Variants in ELMO1 observed in about 807,000 individuals in gnomAD.
ELMO1 encodes engulfment and cell motility protein 1.
ELMO1 carries 26 observed loss-of-function variants against 98.9 expected under a neutral mutation model. That is an observed-to-expected ratio of 0.26 (90% CI 0.19 to 0.36). The LOEUF is 0.36. ELMO1 is among the 10% of genes least tolerant of loss of function. The pLI is 1.00. For missense variants in ELMO1, 627 were observed against 935.2 expected (o/e 0.67, Z 4.30); for synonymous variants, 346 against 346.0 (o/e 1.00, Z 0.00).
chr7:36,866,823 T>G (rs918232004), intron 20 of ELMO1, among the ~76,000 whole-genome samples: 1 of 152,134 alleles, frequency 6.6e-6, no homozygotes, highest in African/African-American at 2.4e-5. Flanking sequence ...ATTCTCCTTT[T>G]AGGCTGCAGG....
intron 16 of ELMO1, among the ~76,000 whole-genome samples, chr7:36,940,208 T>C (rs1786911868): frequency 6.6e-6 from 1 of 152,246 alleles, no homozygotes; most frequent in Admixed American, 6.5e-5. Flanking sequence ...AATTGGCAAT[T>C]AACCCAAGCT....
At chr7:37,057,798 G>A (rs1030613087) in intron 15 of ELMO1, among the ~76,000 whole-genome samples, 2 of 152,228 alleles carry the variant, frequency 1.3e-5, no homozygotes, top group Non-Finnish European at 2.9e-5. Context: ...GTTTAGAGGA[G>A]GGGAGTACTG....
intron 15 of ELMO1, among the ~76,000 whole-genome samples, chr7:37,043,740 A>G (rs565329663): frequency 3.0e-4 from 46 of 152,236 alleles, no homozygotes; most frequent in African/African-American, 1.1e-3. Context: ...CAGGATGGAG[A>G]CCAACGAGAG....
At chr7:37,426,017 G>A (rs1322533661) in intron 1 of ELMO1, among the ~76,000 whole-genome samples, 1 of 151,968 alleles carries the variant, frequency 6.6e-6, no homozygotes, top group African/African-American at 2.4e-5. Flanking sequence ...TTCTCAGGGA[G>A]CTAAGATGGA....
At chr7:36,900,870 G>A (rs558795848) in intron 16 of ELMO1, among the ~76,000 whole-genome samples, 2 of 152,274 alleles carry the variant, frequency 1.3e-5, no homozygotes, top group Admixed American at 6.5e-5. Flanking sequence ...TGTTCCTTAC[G>A]CACAACAAAA....
intron 16 of ELMO1, among the ~76,000 whole-genome samples, chr7:36,943,231 G>A (rs543909939): frequency 5.9e-5 from 9 of 152,324 alleles, no homozygotes; most frequent in South Asian, 4.1e-4. Flanking sequence ...CACTGTGTAC[G>A]TTCAGTATCC....
chr7:37,301,743 C>G (rs1367010152), intron 4 of ELMO1, among the ~76,000 whole-genome samples: 1 of 152,116 alleles, frequency 6.6e-6, no homozygotes, highest in Admixed American at 6.5e-5. Context: ...AAATTGTGCT[C>G]AAAAGAAGGT....
intron 2 of ELMO1, among the ~76,000 whole-genome samples, chr7:37,324,121 G>A (rs1202871327): frequency 1.3e-5 from 2 of 152,080 alleles, no homozygotes; most frequent in Admixed American, 6.6e-5. Context: ...TCCCTGCCCC[G>A]CCTCTGATGA....
At chr7:37,361,476 T>C (rs890792014) in intron 1 of ELMO1, among the ~76,000 whole-genome samples, 1 of 152,212 alleles carries the variant, frequency 6.6e-6, no homozygotes, top group Non-Finnish European at 1.5e-5. Flanking sequence ...CATTTCATAC[T>C]ACCAACAGCA....
At chr7:37,109,242 C>A (rs1033499965) in intron 14 of ELMO1, among the ~76,000 whole-genome samples, 3 of 152,216 alleles carry the variant, frequency 2.0e-5, no homozygotes, top group Non-Finnish European at 4.4e-5. Flanking sequence ...AAAGCCCACA[C>A]TTCAAAGGCT....
chr7:37,278,048 G>T (rs1014688222), intron 4 of ELMO1, among the ~76,000 whole-genome samples: 4 of 148,444 alleles, frequency 2.7e-5, no homozygotes, highest in African/African-American at 9.9e-5. Flanking sequence ...TGCTTTGAAA[G>T]ACCCAACTAA....
intron 13 of ELMO1, among the ~76,000 whole-genome samples, chr7:37,170,097 G>T (rs1447204178): frequency 6.6e-6 from 1 of 152,106 alleles, no homozygotes; most frequent in Admixed American, 6.5e-5. Flanking sequence ...TAAAGACAGG[G>T]TTTCACCATG....
At chr7:37,209,974 G>C (rs1462717624) in intron 13 of ELMO1, among the ~76,000 whole-genome samples, 1 of 152,210 alleles carries the variant, frequency 6.6e-6, no homozygotes, top group African/African-American at 2.4e-5. Context: ...TATGCAGTAA[G>C]TATTCTTATT....
chr7:36,864,210 A>T (rs921585569), intron 20 of ELMO1, among the ~76,000 whole-genome samples: 2 of 152,214 alleles, frequency 1.3e-5, no homozygotes, highest in African/African-American at 4.8e-5. Context: ...TGCTGAAGTC[A>T]CTTGAGACCA....
At chr7:37,033,346 C>A (rs141352521) in intron 15 of ELMO1, 141 of 454,410 alleles carry the variant, frequency 3.1e-4, no homozygotes, top group Non-Finnish European at 4.9e-4. Context: ...CACCTACTTA[C>A]CTCCGAGACA....
At chr7:37,395,030 T>G (rs147530076) in intron 1 of ELMO1, among the ~76,000 whole-genome samples, 1 of 152,204 alleles carries the variant, frequency 6.6e-6, no homozygotes, top group Non-Finnish European at 1.5e-5. Context: ...GGGAGTAGTT[T>G]TGCAGTACTA....
intron 4 of ELMO1, among the ~76,000 whole-genome samples, chr7:37,295,229 G>GA (rs1797973433): frequency 6.6e-6 from 1 of 152,310 alleles, no homozygotes; most frequent in Non-Finnish European, 1.5e-5. Flanking sequence ...AGGAGAGATA[G>GA]AAAATTTGAT....
At chr7:36,869,245 C>G (rs201600142) in intron 20 of ELMO1, among the ~76,000 whole-genome samples, 57 of 141,914 alleles carry the variant, frequency 4.0e-4, no homozygotes, top group Non-Finnish European at 7.9e-4. Flanking sequence ...ATGGGCTCAA[C>G]AAAGGAGTTC....
chr7:37,024,883 G>A (rs1453826524), intron 15 of ELMO1, among the ~76,000 whole-genome samples: 1 of 152,092 alleles, frequency 6.6e-6, no homozygotes, highest in African/African-American at 2.4e-5. Flanking sequence ...CGTTAGAAAG[G>A]TACCCTGATC....
Sources: gnomAD v4.1 joint callset for allele counts (sites outside exome capture counted in the v4.1 genomes callset) on GRCh38, gnomAD v4.1.1 for gene constraint, MANE v1.5 for transcripts, NCBI Gene and HGNC (gene_info 2026-07-23, HGNC 2026-07-21) for gene names.